PDCD6: variants seen among roughly 807,000 people sequenced by gnomAD.
The protein encoded by PDCD6 is programmed cell death 6.
In PDCD6, 12 loss-of-function variants were observed where a neutral mutation model predicts 28.3. The observed-to-expected ratio is 0.42, with a 90% CI of 0.27 to 0.69. PDCD6 has a LOEUF of 0.69. Among genes scored for constraint, PDCD6 ranks in the 30% least tolerant of loss-of-function variants. The pLI is 0.22. For synonymous variants in PDCD6, 92 were observed against 108.0 expected, an observed-to-expected ratio of 0.85 and a Z score of 0.92; for missense variants, 226 against 269.9, an observed-to-expected ratio of 0.84 and a Z score of 1.14.
chr5:278,588 C>G (rs1460873126), intron 2 of PDCD6, among the ~76,000 whole-genome samples: 3 of 150,318 alleles, frequency 2.0e-5, no homozygotes, highest in Non-Finnish European at 4.4e-5. Context: ...TGGCGTGCAT[C>G]TGTAGTCCCA....
intron 1 of PDCD6, among the ~76,000 whole-genome samples, chr5:272,315 A>G (rs1315589297): frequency 1.4e-5 from 2 of 146,318 alleles, no homozygotes; most frequent in African/African-American, 5.3e-5. Flanking sequence ...TGCTCGGGCC[A>G]GGTGACCTTT....
intron 2 of PDCD6, among the ~76,000 whole-genome samples, chr5:277,311 T>A (rs1358815124): frequency 1.4e-5 from 2 of 145,664 alleles, no homozygotes; most frequent in Admixed American, 1.4e-4. Context: ...ATTTTTTTTT[T>A]TTTTTTTTTT....
intron 2 of PDCD6, among the ~76,000 whole-genome samples, chr5:298,560 G>A (rs1361849444): frequency 9.2e-5 from 14 of 151,424 alleles, no homozygotes; most frequent in Admixed American, 2.6e-4. Context: ...GGTTCCTCCC[G>A]GCCTCGCTGC....
At chr5:279,204 C>G (rs573452330) in intron 2 of PDCD6, among the ~76,000 whole-genome samples, 1 of 138,696 alleles carries the variant, frequency 7.2e-6, no homozygotes, top group East Asian at 1.9e-4. Context: ...TTCATTCCCC[C>G]CTAAGAGTAT....
rs1739959800 is a variant in PDCD6 at position 300,119 on chromosome 5, A to AG, written c.164-4054dup. On this transcript the variant is annotated intron_variant, in intron 2 of 5. Transcript: ENST00000264933. ...TGCTCAAACCCTGCACGTTCCCAGG[A>AG]GGGGCCCTTGGCTGGCTCCTGGGAG... Among the ~76,000 whole-genome samples the AG allele has an allele frequency of 2.0e-5, 3 of 152,316 alleles. No individual in the cohort carries two copies. The South Asian group carries it at 6.2e-4, about 32-fold the overall frequency.
chr5:292,747 G>C (rs1048585151), intron 2 of PDCD6, among the ~76,000 whole-genome samples: 2 of 152,224 alleles, frequency 1.3e-5, no homozygotes, highest in Non-Finnish European at 2.9e-5. Flanking sequence ...AGGGGTGGCA[G>C]GCTGCTGTGA....
intron 2 of PDCD6, among the ~76,000 whole-genome samples, chr5:293,265 G>A (rs1164625547): frequency 6.6e-6 from 1 of 152,120 alleles, no homozygotes; most frequent in Admixed American, 6.5e-5. Flanking sequence ...GGCACTGGGA[G>A]CTGCAAACAC....
rs948677985 is a variant in PDCD6, at chr5:276,303, C to T, written c.163+3531C>T. 1.1e-5 allele frequency: 12 copies of T among 1,109,318 alleles called. No homozygotes were observed. In the African/African-American group the frequency reaches 1.8e-4, roughly 17 times the overall value. The allele number at this position is 1,109,318 out of a possible 1,614,324, so 68.7% of individuals were successfully genotyped here. On this transcript the variant is annotated intron_variant, in intron 2 of 5. Coordinates refer to ENST00000264933, the MANE Select transcript of PDCD6 (RefSeq NM_013232.4). ...CAGCATTTTTCTTTTCTCTGATATG[C>T]ACCTTTTTCCTCATCGTGGGGGCTC...
At chr5:290,006 A>G in intron 2 of PDCD6, 5 of 1,601,848 alleles carry the variant, frequency 3.1e-6, no homozygotes, top group Non-Finnish European at 4.3e-6. Context: ...TCTGTTAACA[A>G]TTCACATAGT....
intron 2 of PDCD6, among the ~76,000 whole-genome samples, chr5:274,988 C>T (rs961452390): frequency 2.6e-5 from 4 of 152,150 alleles, no homozygotes; most frequent in Non-Finnish European, 5.9e-5. Flanking sequence ...AGCTGTGTAT[C>T]GGGACCCTCT....
chr5:314,479 C>T lies in PDCD6; in HGVS notation c.540C>T (p.Tyr180=), dbSNP rs146107545. 2.9e-5 allele frequency: 46 copies of T among 1,613,684 alleles called. No individual in the cohort carries two copies. Among genetic ancestry groups the T allele is most frequent in the African/African-American group, 1.1e-4 (8 of 75,054 alleles). ...AGGACGGCTGGATTCAGGTGTCGTA[C>T]GAACAGTACCTGTCCATGGTCTTCA... ...TDQDGWIQVS[Y]EQYLSMVFSI... Residue 180 remains tyrosine, a synonymous_variant, in exon 6 of 6, where the codon TAC becomes TAT. Coordinates refer to ENST00000264933, the MANE Select transcript of PDCD6 (RefSeq NM_013232.4).
At chr5:275,062 CT>C (rs56104240) in intron 2 of PDCD6, among the ~76,000 whole-genome samples, 104,271 of 151,780 alleles carry the variant, frequency 0.69, 36,195 homozygotes, top group Non-Finnish European at 0.72. Flanking sequence ...TCTGAGCTTC[CT>C]CTGCCTTTCA....
intron 2 of PDCD6, among the ~76,000 whole-genome samples, chr5:297,960 T>C (rs1263697295): frequency 6.6e-6 from 1 of 152,198 alleles, no homozygotes; most frequent in Admixed American, 6.5e-5. Flanking sequence ...CAAGCACAGG[T>C]GAATCTAACA....
intron 2 of PDCD6, among the ~76,000 whole-genome samples, chr5:299,620 G>C (rs1182469602): frequency 6.6e-6 from 1 of 151,366 alleles, no homozygotes; most frequent in Non-Finnish European, 1.5e-5. Flanking sequence ...TGCAATCTCA[G>C]CTCACTGCAA....
chr5:297,683 G>C (rs1386581936), intron 2 of PDCD6, among the ~76,000 whole-genome samples: 1 of 152,154 alleles, frequency 6.6e-6, no homozygotes. Context: ...TCAGCCAATC[G>C]CAAACGGCCC....
chr5:275,492 A>G (rs1180757350), intron 2 of PDCD6, among the ~76,000 whole-genome samples: 1 of 152,186 alleles, frequency 6.6e-6, no homozygotes, highest in Non-Finnish European at 1.5e-5. Context: ...TTTCCTCTTC[A>G]ATTTAGCTGC....
chr5:281,825 G>A (rs74372561), intron 2 of PDCD6, among the ~76,000 whole-genome samples: 60 of 111,864 alleles, frequency 5.4e-4, no homozygotes, highest in African/African-American at 2.3e-3. Flanking sequence ...GTTATAGATT[G>A]AGCATTGTGC....
chr5:303,523 A>C (rs1288557065), intron 2 of PDCD6, among the ~76,000 whole-genome samples: 1 of 151,980 alleles, frequency 6.6e-6, no homozygotes, highest in Non-Finnish European at 1.5e-5. Context: ...AGATTCAACG[A>C]TGAGTCTGAG....
At chr5:272,865 G>C (rs753524335) in intron 2 of PDCD6, 93 bp downstream of exon 2, 1 of 1,508,798 alleles carries the variant, frequency 6.6e-7, no homozygotes, top group Non-Finnish European at 8.9e-7. Context: ...GTTTTTCCAA[G>C]GACAAAGGAA....
Sources: gnomAD v4.1 joint callset for allele counts (sites outside exome capture counted in the v4.1 genomes callset) on GRCh38, gnomAD v4.1.1 for gene constraint, MANE v1.5 for transcripts, NCBI Gene and HGNC (gene_info 2026-07-23, HGNC 2026-07-21) for gene names.